The following BMPR2 variants were observed in gnomAD, a reference collection of about 807,000 sequenced individuals.
The protein encoded by BMPR2 is bone morphogenetic protein receptor type 2, also known as bone morphogenetic protein receptor type-2.
A neutral mutation model predicts 100.8 loss-of-function variants in BMPR2; 29 were observed. The observed-to-expected ratio is 0.29, with a 90% confidence interval of 0.21 to 0.39. BMPR2 has a LOEUF of 0.39. Among genes scored for constraint, BMPR2 ranks in the 10% least tolerant of loss-of-function variants. The probability of loss-of-function intolerance (pLI) is 1.00; values close to 1 mark genes in which losing one functional copy is unlikely to be tolerated. For missense variants in BMPR2, 1,011 were observed against 1,274.5 expected, an observed-to-expected ratio of 0.79 and a Z score of 3.15; for synonymous variants, 382 against 442.3, an observed-to-expected ratio of 0.86 and a Z score of 1.71.
At chr2:202,426,568 C>CAAAA (rs35528511) in intron 1 of BMPR2, among the ~76,000 whole-genome samples, 14 of 58,020 alleles carry the variant, frequency 2.4e-4, no homozygotes, top group South Asian at 6.5e-4. Flanking sequence ...GTCTCCGTCT[C>CAAAA]AAAAAAAAAA....
chr2:202,418,882 G>A (rs774664791), intron 1 of BMPR2, among the ~76,000 whole-genome samples: 1 of 152,210 alleles, frequency 6.6e-6, no homozygotes, highest in Non-Finnish European at 1.5e-5. Flanking sequence ...GGGATTCTCT[G>A]CAGAATGTGG....
At chr2:202,492,045 GAAGC>G (rs1692912466) in intron 3 of BMPR2, among the ~76,000 whole-genome samples, 1 of 151,720 alleles carries the variant, frequency 6.6e-6, no homozygotes, top group South Asian at 2.1e-4. Context: ...CTGAACTGAA[GAAGC>G]AAGGCACAAA....
intron 1 of BMPR2, among the ~76,000 whole-genome samples, chr2:202,413,055 A>G (rs1258672980): frequency 6.6e-6 from 1 of 152,214 alleles, no homozygotes; most frequent in African/African-American, 2.4e-5. Context: ...TCATATAAGG[A>G]TATCTATAGA....
At chr2:202,507,570 G>A (rs897230810) in intron 3 of BMPR2, among the ~76,000 whole-genome samples, 3 of 151,744 alleles carry the variant, frequency 2.0e-5, no homozygotes, top group South Asian at 2.1e-4. Flanking sequence ...TTTATTTTTT[G>A]TAGAGACAAA....
At chr2:202,404,599 G>A (rs1690846672) in intron 1 of BMPR2, among the ~76,000 whole-genome samples, 1 of 152,156 alleles carries the variant, frequency 6.6e-6, no homozygotes, top group African/African-American at 2.4e-5. Context: ...TCAGATATTG[G>A]TGATACAGCA....
chr2:202,402,884 A>C (rs913794014), intron 1 of BMPR2, among the ~76,000 whole-genome samples: 1 of 150,364 alleles, frequency 6.7e-6, no homozygotes, highest in African/African-American at 2.5e-5. Context: ...GCTGGAGTGC[A>C]ATGGCGCGAT....
chr2:202,530,898 C>T lies in BMPR2; in HGVS notation c.1072C>T (p.Leu358=). 6.2e-7 allele frequency: 1 copy of T among 1,614,082 alleles called. No homozygotes were observed. Among genetic ancestry groups the T allele is most frequent in the East Asian group, 2.2e-5 (1 of 44,878 alleles). The stretch of plus-strand genomic sequence containing the variant: ...TAGTGACTTTGGACTGTCCATGAGG[C>T]TGACTGGAAATAGACTGGTGCGCCC... ...VISDFGLSMR[L]TGNRLVRPGE... Residue 358 remains leucine, a synonymous_variant, in exon 8 of 13, where the codon CTG becomes TTG. Transcript: ENST00000374580.
intron 3 of BMPR2, among the ~76,000 whole-genome samples, chr2:202,493,212 G>T (rs989685085): frequency 6.6e-6 from 1 of 151,994 alleles, no homozygotes; most frequent in Non-Finnish European, 1.5e-5. Context: ...TAGTGACTAG[G>T]TTTCCATTTT....
At chr2:202,399,489 TTG>T (rs1690719060) in intron 1 of BMPR2, among the ~76,000 whole-genome samples, 1 of 152,144 alleles carries the variant, frequency 6.6e-6, no homozygotes. Flanking sequence ...GCCAAATCAT[TTG>T]GGGATTTGTA....
intron 3 of BMPR2, among the ~76,000 whole-genome samples, chr2:202,473,575 G>C (rs888402620): frequency 1.3e-5 from 2 of 152,160 alleles, no homozygotes; most frequent in African/African-American, 2.4e-5. Flanking sequence ...CGGCTCACTT[G>C]AGGTCAGGAG....
In BMPR2 at chr2:202,471,912, TTGTGTGTGTGTG is replaced by T. The variant is rs111523279; in HGVS notation, c.418+4239_418+4250del. On this transcript the variant is annotated intron_variant, in intron 3 of 12. Transcript: ENST00000374580. Reference sequence around the variant, plus strand: ...TACTGTGTATTGGTTCAAAAAAAGATTGTGTGTGTGTGTGTGTGTGTGTGTGTAGAAAGAGGT... The same window carrying T: ...TACTGTGTATTGGTTCAAAAAAAGATTGTGTGTGTGTGTGTAGAAAGAGGT... 1.3e-4 allele frequency among the ~76,000 whole-genome samples: 19 copies of T among 147,848 alleles called. No individual in the cohort carries two copies. In the East Asian group the frequency reaches 3.6e-3, roughly 28 times the overall value.
chr2:202,459,077 C>T (rs1692175609), intron 1 of BMPR2, among the ~76,000 whole-genome samples: 1 of 152,148 alleles, frequency 6.6e-6, no homozygotes, highest in South Asian at 2.1e-4. Context: ...AAGCCTTCCT[C>T]TTTGATTGAG....
At chr2:202,478,961 C>G (rs911500508) in intron 3 of BMPR2, among the ~76,000 whole-genome samples, 3 of 151,982 alleles carry the variant, frequency 2.0e-5, no homozygotes, top group Non-Finnish European at 2.9e-5. Context: ...AGAAAAAAAT[C>G]AAAAGTGTAT....
At chr2:202,404,396 A>G (rs952790548) in intron 1 of BMPR2, among the ~76,000 whole-genome samples, 3 of 152,024 alleles carry the variant, frequency 2.0e-5, no homozygotes, top group Non-Finnish European at 2.9e-5. Context: ...GGGTTTCACC[A>G]TGTTGGCCAG....
rs1001119100 is a variant in BMPR2, at chr2:202,564,428, T to C, written c.*4482T>C. 6.6e-6 allele frequency: 1 copy of C among 152,220 alleles called. No homozygotes were observed. Among genetic ancestry groups the C allele is most frequent in the East Asian group, 1.9e-4 (1 of 5,196 alleles). 9.4% of individuals were successfully genotyped at this position (152,220 alleles called of 1,614,324 possible). A position where few individuals can be genotyped will look rare whatever the true frequency, so the allele number is the denominator to read the frequency against. ...TTATCTAGACCAGTCATTCTGGAAA[T>C]TGTAACACTCCCACATAAACCCCAG... is the stretch of plus-strand genomic sequence containing the variant. On this transcript the variant is annotated 3_prime_UTR_variant, in exon 13 of 13. Transcript: ENST00000374580.
chr2:202,512,527 CT>C (rs34507469), intron 3 of BMPR2, among the ~76,000 whole-genome samples: 1 of 152,048 alleles, frequency 6.6e-6, no homozygotes, highest in Non-Finnish European at 1.5e-5. Context: ...CCCAAGTTTT[CT>C]TTTTTTTCCT....
At chr2:202,402,374 C>T (rs901877249) in intron 1 of BMPR2, among the ~76,000 whole-genome samples, 4 of 151,860 alleles carry the variant, frequency 2.6e-5, no homozygotes, top group African/African-American at 7.3e-5. Flanking sequence ...AAAAGTTAGC[C>T]GGGTGTGGTG....
At position 202,376,705 on chromosome 2, in the gene BMPR2, G is replaced by A. The variant is rs1165056450; in HGVS notation, c.-770G>A. The stretch of plus-strand genomic sequence containing the variant: ...AGCGCCGCCGGGAGGACTAGAAGGG[G>A]CAGCCTCTCACACCCACTCCGCCTG... On this transcript the variant is annotated 5_prime_UTR_variant, in exon 1 of 13. Coordinates refer to ENST00000374580, the MANE Select transcript of BMPR2 (RefSeq NM_001204.7). Among the ~76,000 whole-genome samples, 1 of 150,152 alleles carries A rather than the reference G, an allele frequency of 6.7e-6. No homozygotes were observed. The highest frequency in any genetic ancestry group is 2.0e-4 in the East Asian group (1 of 4,968).
In BMPR2 at chr2:202,500,755, A is replaced by G. The variant is rs566538876; in HGVS notation, c.419-12964A>G. On this transcript the variant is annotated intron_variant, in intron 3 of 12. Transcript: ENST00000374580. ...TCATTAATGAGGCAGTAATTCCACTATATCCAGTTGTACCCAACCCCTATA... is the reference window on the plus strand; with the variant it reads ...TCATTAATGAGGCAGTAATTCCACTGTATCCAGTTGTACCCAACCCCTATA... Among the ~76,000 whole-genome samples the G allele has an allele frequency of 5.3e-5, 8 of 152,326 alleles. No homozygotes were observed. In the South Asian group the frequency reaches 1.4e-3, roughly 28 times the overall value.
Sources: allele counts gnomAD v4.1 joint callset (sites outside exome capture counted in the v4.1 genomes callset), GRCh38; gene constraint gnomAD v4.1.1; transcripts MANE v1.5; gene names NCBI Gene and HGNC (gene_info 2026-07-23, HGNC 2026-07-21).